The following MTUS2 variants were observed in gnomAD, a reference collection of about 807,000 sequenced individuals.
The protein encoded by MTUS2 is microtubule-associated tumor suppressor candidate 2.
MTUS2 carries 40 observed loss-of-function variants against 114.1 expected under a neutral mutation model. That is an observed-to-expected ratio of 0.35 (90% confidence interval 0.27 to 0.46). The LOEUF is 0.46. MTUS2 is among the 20% of genes least tolerant of loss of function. The pLI is 1.00. For synonymous variants in MTUS2, 688 were observed against 672.0 expected (o/e 1.02, Z -0.37); for missense variants, 1,679 against 1,705.4 (o/e 0.98, Z 0.27).
At chr13:29,101,316 T>A (rs1390345359) in intron 5 of MTUS2, among the ~76,000 whole-genome samples, 1 of 151,916 alleles carries the variant, frequency 6.6e-6, no homozygotes, top group Non-Finnish European at 1.5e-5. Flanking sequence ...TGAAACATAC[T>A]AGATATTTAA....
At chr13:29,141,857 T>C (rs1299612380) in intron 5 of MTUS2, among the ~76,000 whole-genome samples, 8 of 151,468 alleles carry the variant, frequency 5.3e-5, no homozygotes, top group Non-Finnish European at 7.4e-5. Flanking sequence ...TAAATGGGGA[T>C]CTAATTTTTT....
In MTUS2 at chr13:28,820,496, T is replaced by C; in HGVS notation, c.-431T>C. On this transcript the variant is annotated 5_prime_UTR_variant, in exon 1 of 16. Transcript: ENST00000612955. ...ACAGACCTGTCGGTAAATAGAAAAC[T>C]CGAGCTGGAGAGGAGGAGGAAGCAG... 6.6e-6 allele frequency: 1 copy of C among 152,586 alleles called. No homozygotes were observed. The highest frequency in any genetic ancestry group is 1.5e-5 in the Non-Finnish European group (1 of 68,304). 9.5% of individuals were successfully genotyped at this position (152,586 alleles called of 1,614,324 possible). A position where few individuals can be genotyped will look rare whatever the true frequency, so the allele number is the denominator to read the frequency against.
intron 2 of MTUS2, among the ~76,000 whole-genome samples, chr13:28,921,761 G>T (rs879756321): frequency 4.6e-5 from 7 of 152,194 alleles, no homozygotes; most frequent in Non-Finnish European, 8.8e-5. Context: ...CTCCCTGTGT[G>T]TGTGGGTGCT....
intron 2 of MTUS2, among the ~76,000 whole-genome samples, chr13:28,847,976 G>C (rs1039284368): frequency 6.6e-6 from 1 of 152,140 alleles, no homozygotes; most frequent in Non-Finnish European, 1.5e-5. Context: ...CAGCCCTCCT[G>C]TCATCTGACC....
At chr13:29,132,187 A>G (rs1891794598) in intron 5 of MTUS2, among the ~76,000 whole-genome samples, 1 of 152,208 alleles carries the variant, frequency 6.6e-6, no homozygotes, top group Admixed American at 6.5e-5. Flanking sequence ...TTTTTATGGG[A>G]TAAAGTAAAA....
chr13:29,477,427 G>C (rs1880787496), intron 9 of MTUS2, among the ~76,000 whole-genome samples: 1 of 152,102 alleles, frequency 6.6e-6, no homozygotes, highest in Non-Finnish European at 1.5e-5. Flanking sequence ...GGGAGAGCTG[G>C]AGCTCAAGTA....
intron 12 of MTUS2, 105 bp downstream of exon 12, chr13:29,492,824 C>G: frequency 1.2e-6 from 1 of 853,332 alleles, no homozygotes; most frequent in Non-Finnish European, 1.9e-6. Context: ...AAATCCTGTA[C>G]TAAACAATAG....
At chr13:29,381,160 GGGCTTCT>G (rs1872174645) in intron 8 of MTUS2, among the ~76,000 whole-genome samples, 1 of 152,106 alleles carries the variant, frequency 6.6e-6, no homozygotes, top group Non-Finnish European at 1.5e-5. Context: ...GCATGTATCT[GGGCTTCT>G]GCCCAGATAC....
chr13:29,292,208 T>C (rs1163848774), intron 6 of MTUS2, among the ~76,000 whole-genome samples: 2 of 152,248 alleles, frequency 1.3e-5, no homozygotes, highest in East Asian at 3.8e-4. Context: ...TGTGATACTT[T>C]GCTTCCTTCC....
At chr13:28,874,203 A>G (rs1165438866) in intron 2 of MTUS2, among the ~76,000 whole-genome samples, 1 of 152,002 alleles carries the variant, frequency 6.6e-6, no homozygotes, top group Non-Finnish European at 1.5e-5. Flanking sequence ...TTTTTAGTAC[A>G]TCTTGGCCAG....
chr13:29,241,302 C>T (rs1336858429), intron 5 of MTUS2, among the ~76,000 whole-genome samples: 6 of 152,130 alleles, frequency 3.9e-5, no homozygotes, highest in African/African-American at 1.4e-4. Flanking sequence ...AAGTGAAAAT[C>T]AAATGCCTGT....
intron 2 of MTUS2, among the ~76,000 whole-genome samples, chr13:28,906,793 G>A (rs1880048014): frequency 6.6e-6 from 1 of 151,428 alleles, no homozygotes; most frequent in African/African-American, 2.4e-5. Context: ...GAGCTGAGGT[G>A]ATGGGGAGAA....
At chr13:28,907,136 C>T (rs1361141274) in intron 2 of MTUS2, among the ~76,000 whole-genome samples, 1 of 151,466 alleles carries the variant, frequency 6.6e-6, no homozygotes, top group South Asian at 2.1e-4. Context: ...CCCAGAATTT[C>T]ATATCCAGCC....
chr13:28,937,730 C>T (rs1487359664), intron 2 of MTUS2, among the ~76,000 whole-genome samples: 2 of 152,104 alleles, frequency 1.3e-5, no homozygotes, highest in Non-Finnish European at 2.9e-5. Context: ...CAGAGCATAG[C>T]CTAGAGTGTC....
intron 5 of MTUS2, among the ~76,000 whole-genome samples, chr13:29,164,911 G>A (rs1893251522): frequency 6.6e-6 from 1 of 152,194 alleles, no homozygotes; most frequent in Non-Finnish European, 1.5e-5. Flanking sequence ...TTATGGGAAA[G>A]GGCTTATTTA....
At chr13:29,183,679 A>G (rs1304730718) in intron 5 of MTUS2, among the ~76,000 whole-genome samples, 1 of 152,206 alleles carries the variant, frequency 6.6e-6, no homozygotes, top group Non-Finnish European at 1.5e-5. Flanking sequence ...AAGGACACCA[A>G]AAAGGAACAA....
intron 6 of MTUS2, among the ~76,000 whole-genome samples, chr13:29,285,837 C>T (rs1350333514): frequency 6.6e-6 from 1 of 152,028 alleles, no homozygotes; most frequent in African/African-American, 2.4e-5. Context: ...AACATTTGAA[C>T]AAAAATTTGA....
In MTUS2 at chr13:28,965,774, A is replaced by T. The variant is rs187269639; in HGVS notation, c.-242-58683A>T. The stretch of plus-strand genomic sequence containing the variant: ...AAGTCCCAAGTCAGTCTGGAAGCAG[A>T]GTTCCTTCTTCCTCTGAGGACCTCA... On this transcript the variant is annotated intron_variant, in intron 2 of 15. Coordinates refer to ENST00000612955, the MANE Select transcript of MTUS2 (RefSeq NM_001033602.4). 7.9e-5 allele frequency among the ~76,000 whole-genome samples: 12 copies of T among 152,346 alleles called. No individual in the cohort carries two copies. The East Asian group carries it at 1.9e-3, about 24-fold the overall frequency.
At position 29,030,194 on chromosome 13, in the gene MTUS2, A is replaced by G. The variant is rs796619385; in HGVS notation, c.2205+3291A>G. On this transcript the variant is annotated intron_variant, in intron 3 of 15. Transcript: ENST00000612955. ...TTCCCCAAACTATTTTCTCTACTTC[A>G]TTATCTAGGCACCACGTCAAGACTC... Among the ~76,000 whole-genome samples the G allele has an allele frequency of 4.6e-5, 7 of 152,040 alleles. No individual in the cohort carries two copies. In the South Asian group the frequency reaches 1.5e-3, roughly 32 times the overall value.
Sources: allele counts gnomAD v4.1 joint callset (sites outside exome capture counted in the v4.1 genomes callset), GRCh38; gene constraint gnomAD v4.1.1; transcripts MANE v1.5; gene names NCBI Gene and HGNC (gene_info 2026-07-23, HGNC 2026-07-21).